DOCK4: variants seen among roughly 807,000 people sequenced by gnomAD.
DOCK4 encodes dedicator of cytokinesis protein 4.
A neutral mutation model predicts 268.1 loss-of-function variants in DOCK4; 97 were observed. The observed-to-expected ratio is 0.36, with a 90% CI of 0.31 to 0.43. The LOEUF is 0.43. Ranked by LOEUF, DOCK4 falls within the 20% of genes least tolerant of loss-of-function variation. The pLI, the probability that DOCK4 is intolerant of heterozygous loss-of-function variation, is 1.00. For missense variants in DOCK4, 2,145 were observed against 2,455.7 expected, an observed-to-expected ratio of 0.87 and a Z score of 2.67; for synonymous variants, 954 against 887.2, an observed-to-expected ratio of 1.08 and a Z score of -1.34.
chr7:111,778,888 C>G (rs1332744551), intron 35 of DOCK4, among the ~76,000 whole-genome samples: 1 of 151,946 alleles, frequency 6.6e-6, no homozygotes, highest in Non-Finnish European at 1.5e-5. Context: ...AACCCCATCT[C>G]TACTAAAAAT....
chr7:112,000,849 T>A (rs1800366110), intron 2 of DOCK4, among the ~76,000 whole-genome samples: 1 of 152,238 alleles, frequency 6.6e-6, no homozygotes, highest in Admixed American at 6.5e-5. Context: ...GTCTGTTTAA[T>A]CTTGGCCAGG....
chr7:112,048,285 C>T (rs1222785249), intron 1 of DOCK4, among the ~76,000 whole-genome samples: 1 of 151,108 alleles, frequency 6.6e-6, no homozygotes, highest in African/African-American at 2.4e-5. Flanking sequence ...GACGTGGTGG[C>T]TCACGCCTAG....
At chr7:111,778,019 G>C (rs780864543) in intron 36 of DOCK4, among the ~76,000 whole-genome samples, 2 of 152,130 alleles carry the variant, frequency 1.3e-5, no homozygotes, top group Non-Finnish European at 2.9e-5. Flanking sequence ...CAGACTGTAA[G>C]AAGTTATGTA....
intron 1 of DOCK4, among the ~76,000 whole-genome samples, chr7:112,094,391 T>G (rs1384898418): frequency 6.6e-6 from 1 of 152,164 alleles, no homozygotes; most frequent in Non-Finnish European, 1.5e-5. Context: ...TCGACATAGT[T>G]TTTAGGTCAA....
At chr7:112,090,684 A>G (rs1267717025) in intron 1 of DOCK4, among the ~76,000 whole-genome samples, 2 of 152,178 alleles carry the variant, frequency 1.3e-5, no homozygotes, top group Non-Finnish European at 2.9e-5. Flanking sequence ...AGCAAACAAC[A>G]TATTTTGATT....
intron 1 of DOCK4, 117 bp from the exon 2 acceptor site, chr7:112,004,248 C>T: frequency 1.4e-6 from 1 of 731,144 alleles, no homozygotes; most frequent in South Asian, 2.0e-5. Context: ...TAGCTGGAAC[C>T]CTCTGTCATA....
chr7:112,194,885 A>T (rs1024839052), intron 1 of DOCK4, among the ~76,000 whole-genome samples: 1 of 152,230 alleles, frequency 6.6e-6, no homozygotes, highest in South Asian at 2.1e-4. Flanking sequence ...TGGGGCAAAG[A>T]ACATAAATAT....
intron 1 of DOCK4, among the ~76,000 whole-genome samples, chr7:112,117,200 TC>T (rs1453763909): frequency 6.6e-6 from 1 of 152,180 alleles, no homozygotes; most frequent in Non-Finnish European, 1.5e-5. Context: ...TCCCACCTTT[TC>T]ACAGTAACTC....
At chr7:111,758,373 T>C (rs1351643089) in intron 41 of DOCK4, among the ~76,000 whole-genome samples, 1 of 152,168 alleles carries the variant, frequency 6.6e-6, no homozygotes, top group Non-Finnish European at 1.5e-5. Context: ...AAAAAGCTGA[T>C]TTTAGGACCT....
At chr7:111,837,724 G>A (rs375515420) in intron 25 of DOCK4, among the ~76,000 whole-genome samples, 2 of 152,202 alleles carry the variant, frequency 1.3e-5, no homozygotes, top group East Asian at 3.9e-4. Flanking sequence ...ACACTGAGGG[G>A]TGGAGTTAAA....
intron 32 of DOCK4, among the ~76,000 whole-genome samples, chr7:111,785,113 T>C (rs938484176): frequency 6.6e-6 from 1 of 152,188 alleles, no homozygotes; most frequent in African/African-American, 2.4e-5. Context: ...TCTCCTCCTG[T>C]GTTTCCTGTG....
At chr7:111,740,155 A>C (rs1286279558) in intron 47 of DOCK4, 1 of 428,534 alleles carries the variant, frequency 2.3e-6, no homozygotes, top group African/African-American at 2.1e-5. Flanking sequence ...GCTGGAGTGC[A>C]GTGACATGCT....
At chr7:111,957,845 G>A (rs1209671528) in intron 8 of DOCK4, among the ~76,000 whole-genome samples, 8 of 152,292 alleles carry the variant, frequency 5.3e-5, no homozygotes, top group African/African-American at 1.7e-4. Context: ...AGAAGATGCA[G>A]TCTCTATTTA....
chr7:111,848,045 T>C (rs1030838591), intron 23 of DOCK4, among the ~76,000 whole-genome samples: 1 of 152,248 alleles, frequency 6.6e-6, no homozygotes, highest in Non-Finnish European at 1.5e-5. Context: ...GTAACTCGCC[T>C]TGACCCTTTC....
intron 19 of DOCK4, 21 bp downstream of exon 19, chr7:111,872,248 A>G (rs764276908): frequency 4.7e-6 from 7 of 1,492,802 alleles, no homozygotes; most frequent in Non-Finnish European, 3.6e-6. Context: ...TTAAAATACA[A>G]TTAAGGGAAT....
Position 111,762,770 on chromosome 7 carries a change from T to C in DOCK4, c.4020+2348A>G, listed in dbSNP as rs1290271939. 1.7e-3 allele frequency among the ~76,000 whole-genome samples: 200 copies of C among 120,952 alleles called. 4 individuals carry two copies. Among genetic ancestry groups the C allele is most frequent in the African/African-American group, 5.4e-3 (180 of 33,270 alleles). 79.3% of individuals were successfully genotyped at this position (120,952 alleles called of 152,430 possible). A position where few individuals can be genotyped will look rare whatever the true frequency, so the allele number is the denominator to read the frequency against. ...CCATTTTGTTTTGTTTTCTTTTTTTTTTTTTTTTTTTTTTTTGGAGACAGG... is the reference window on the plus strand; with the variant it reads ...CCATTTTGTTTTGTTTTCTTTTTTTCTTTTTTTTTTTTTTTTGGAGACAGG... On this transcript the variant is annotated intron_variant, in intron 39 of 52. Coordinates refer to ENST00000428084, the MANE Select transcript of DOCK4 (RefSeq NM_001363540.2).
At chr7:112,121,303 T>G (rs186050135) in intron 1 of DOCK4, among the ~76,000 whole-genome samples, 1 of 152,166 alleles carries the variant, frequency 6.6e-6, no homozygotes, top group Non-Finnish European at 1.5e-5. Flanking sequence ...CTCCAAGAAG[T>G]CTTCTTCCTT....
At chr7:112,066,327 G>A (rs1368712388) in intron 1 of DOCK4, among the ~76,000 whole-genome samples, 1 of 151,946 alleles carries the variant, frequency 6.6e-6, no homozygotes, top group Admixed American at 6.6e-5. Context: ...CAGGCCTTCA[G>A]CCTGAGCCTT....
At position 111,739,202 on chromosome 7, in the gene DOCK4, T is replaced by C. The variant is rs778040550; in HGVS notation, c.5164A>G (p.Asn1722Asp). The C allele has an allele frequency of 1.2e-6, 2 of 1,614,030 alleles. No homozygotes were observed. Among genetic ancestry groups the C allele is most frequent in the Admixed American group, 3.3e-5 (2 of 60,020 alleles). ...LSDKHKHSRE[N>D]SCLSPRERPC... The stretch of plus-strand genomic sequence containing the variant: ...CTCTCTCTTGGTGACAGGCAAGAGT[T>C]TTCTCGGGAATGTTTGTGTTTGTCA... Residue 1722 changes from asparagine (N) to aspartate (D), a missense_variant, in exon 49 of 53, where the codon AAC becomes GAC. Around this residue, in one of 2 missense-constraint regions of DOCK4, gnomAD observed 547 missense variants for 469.0 expected, o/e 1.17. Coordinates refer to ENST00000428084, the MANE Select transcript of DOCK4 (RefSeq NM_001363540.2).
Sources: allele counts gnomAD v4.1 joint callset (sites outside exome capture counted in the v4.1 genomes callset), GRCh38; gene constraint gnomAD v4.1.1; regional missense constraint gnomAD v4.1.1; transcripts MANE v1.5; gene names NCBI Gene and HGNC (gene_info 2026-07-23, HGNC 2026-07-21).